HELZ: variants seen among roughly 807,000 people sequenced by gnomAD.
The protein encoded by HELZ is ATP-dependent RNA helicase with zinc finger domain.
HELZ carries 23 observed loss-of-function variants against 218.2 expected under a neutral mutation model. The observed-to-expected ratio is 0.11, with a 90% CI of 0.08 to 0.15. The LOEUF (loss-of-function observed/expected upper bound fraction) is 0.15. Ranked by LOEUF, HELZ falls within the 10% of genes least tolerant of loss-of-function variation. The pLI is 1.00. For missense variants in HELZ, 1,813 were observed against 2,353.7 expected (o/e 0.77, Z 4.75); for synonymous variants, 814 against 829.4 (o/e 0.98, Z 0.32).
chr17:67,153,639 T>C (rs1178895487), intron 17 of HELZ, among the ~76,000 whole-genome samples: 2 of 152,316 alleles, frequency 1.3e-5, no homozygotes, highest in East Asian at 3.9e-4. Context: ...GTATAATATG[T>C]AGCATAATGC....
Position 67,107,628 on chromosome 17 carries a change from T to C in HELZ, c.4782A>G (p.Leu1594=). 1 of 1,614,142 alleles carries C rather than the reference T, an allele frequency of 6.2e-7. No individual in the cohort carries two copies. The highest frequency in any genetic ancestry group is 1.1e-5 in the South Asian group (1 of 91,084). ...SHRDQSETRE[L]AEMPPPQSRL... ...TTGATTGAGGTGGTGGCATTTCAGCTAGTTCCCGTGTTTCACTTTGATCAC... is the reference window on the plus strand; with the variant it reads ...TTGATTGAGGTGGTGGCATTTCAGCCAGTTCCCGTGTTTCACTTTGATCAC... The change falls in exon 31 of 33, where the codon CTA becomes CTG. Residue 1594 remains leucine, a synonymous_variant. Transcript: ENST00000358691.
chr17:67,187,680 T>C (rs2039793047), intron 12 of HELZ, among the ~76,000 whole-genome samples: 2 of 152,344 alleles, frequency 1.3e-5, no homozygotes, highest in East Asian at 3.9e-4. Context: ...TAACATGTCC[T>C]TTCTTTGTCC....
At chr17:67,176,272 T>G (rs1435128706) in intron 13 of HELZ, 1 of 152,226 alleles carries the variant, frequency 6.6e-6, no homozygotes, top group East Asian at 1.9e-4. Context: ...CAATAAGGTA[T>G]TATAACTAGC....
chr17:67,074,673 G>A lies in HELZ; in HGVS notation c.*3579C>T, dbSNP rs2035973252. The A allele has an allele frequency of 6.6e-6, 1 of 152,072 alleles. No individual in the cohort carries two copies. The highest frequency in any genetic ancestry group is 1.5e-5 in the Non-Finnish European group (1 of 67,976). The allele number at this position is 152,072 out of a possible 1,614,324, so 9.4% of individuals were successfully genotyped here. On this transcript the variant is annotated 3_prime_UTR_variant, in exon 33 of 33. Coordinates refer to ENST00000358691, the MANE Select transcript of HELZ (RefSeq NM_014877.4). The stretch of plus-strand genomic sequence containing the variant: ...GTTGGGAAATTCATTAGCTTTCTCA[G>A]CAGCTCCAATGCCTCCATAAAAAAG...
intron 23 of HELZ, among the ~76,000 whole-genome samples, chr17:67,134,007 A>G (rs1316722350): frequency 6.6e-6 from 1 of 152,264 alleles, no homozygotes; most frequent in Non-Finnish European, 1.5e-5. Context: ...GTAAAGTAAT[A>G]TAAAGTAAAA....
At chr17:67,168,367 A>T (rs943874210) in intron 13 of HELZ, among the ~76,000 whole-genome samples, 4 of 152,238 alleles carry the variant, frequency 2.6e-5, no homozygotes, top group Non-Finnish European at 5.9e-5. Context: ...CACATTCAAA[A>T]AACACCTGAG....
rs951850698 is a variant in HELZ at position 67,188,056 on chromosome 17, T to A, written c.1162+263A>T. ...CCATCTTACTGTGAAATGAAACTGGTAGACCAAAACAGGTCTGATCATCTA... is the reference window on the plus strand; with the variant it reads ...CCATCTTACTGTGAAATGAAACTGGAAGACCAAAACAGGTCTGATCATCTA... On this transcript the variant is annotated intron_variant, in intron 12 of 32. Coordinates refer to ENST00000358691, the MANE Select transcript of HELZ (RefSeq NM_014877.4). The surrounding 1 kb of genome is among the most constrained non-coding windows in gnomAD (Gnocchi z 4.1). Among the ~76,000 whole-genome samples, 2 of 152,188 alleles carry A rather than the reference T, an allele frequency of 1.3e-5. No homozygotes were observed. Among genetic ancestry groups the A allele is most frequent in the Admixed American group, 1.3e-4 (2 of 15,278 alleles).
chr17:67,090,680 T>C (rs1362519521), intron 31 of HELZ, among the ~76,000 whole-genome samples: 1 of 152,160 alleles, frequency 6.6e-6, no homozygotes, highest in Admixed American at 6.5e-5. Context: ...TTGTTTGTAG[T>C]GCTCCCTTAT....
chr17:67,148,321 G>A (rs1164049472), intron 20 of HELZ, among the ~76,000 whole-genome samples: 5 of 152,212 alleles, frequency 3.3e-5, no homozygotes, highest in Non-Finnish European at 7.3e-5. Flanking sequence ...TGTGTTAATT[G>A]TTGTGAGAGA....
chr17:67,220,068 C>T (rs1300336945), intron 3 of HELZ, among the ~76,000 whole-genome samples: 1 of 152,212 alleles, frequency 6.6e-6, no homozygotes, highest in African/African-American at 2.4e-5. Context: ...CTACCTTCCA[C>T]CTTAACCGCT....
At chr17:67,191,453 T>G (rs566415664) in intron 9 of HELZ, among the ~76,000 whole-genome samples, 35 of 152,160 alleles carry the variant, frequency 2.3e-4, no homozygotes, top group African/African-American at 8.0e-4. Context: ...ATAAAATACT[T>G]TGATAATTTT....
Position 67,190,361 on chromosome 17 carries a change from T to G in HELZ, c.558-6A>C, listed in dbSNP as rs760748607. 5.0e-6 allele frequency: 8 copies of G among 1,599,954 alleles called. No homozygotes were observed. The highest frequency in any genetic ancestry group is 6.0e-6 in the Non-Finnish European group (7 of 1,167,148). On this transcript the variant is annotated splice_region_variant and splice_polypyrimidine_tract_variant and intron_variant, in intron 9 of 32. Transcript: ENST00000358691. ...AGATTCCTTGTTCTAAAAATCTAAG[T>G]AGAATAGGAAAGACTGTTTTATCAT...
Position 67,072,706 on chromosome 17 carries a change from A to C in HELZ, c.*5546T>G, listed in dbSNP as rs2035923000. Reference sequence around the variant, plus strand: ...GCCAATCCAAAGGGCCTGTCGCTCCATGGAGACCTTTCTCCACAAATGTTC... The same window carrying C: ...GCCAATCCAAAGGGCCTGTCGCTCCCTGGAGACCTTTCTCCACAAATGTTC... On this transcript the variant is annotated 3_prime_UTR_variant, in exon 33 of 33. Transcript: ENST00000358691. 1 of 152,302 alleles carries C rather than the reference A, an allele frequency of 6.6e-6. No homozygotes were observed. The highest frequency in any genetic ancestry group is 2.1e-4 in the South Asian group (1 of 4,828). The allele number at this position is 152,302 out of a possible 1,614,324, so 9.4% of individuals were successfully genotyped here. A position where few individuals can be genotyped will look rare whatever the true frequency, so the allele number is the denominator to read the frequency against.
intron 3 of HELZ, among the ~76,000 whole-genome samples, chr17:67,236,026 C>A (rs1567917687): frequency 6.6e-6 from 1 of 152,244 alleles, no homozygotes; most frequent in African/African-American, 2.4e-5. Context: ...TCCCAAAGTG[C>A]TGGGATTACA....
chr17:67,245,138 C>T lies in HELZ; in HGVS notation c.-132+10G>A, dbSNP rs1402550429. 4.1e-6 allele frequency: 4 copies of T among 985,038 alleles called. No individual in the cohort carries two copies. The South Asian group carries it at 1.4e-4, about 35-fold the overall frequency. 61.0% of individuals were successfully genotyped at this position (985,038 alleles called of 1,614,324 possible). A position where few individuals can be genotyped will look rare whatever the true frequency, so the allele number is the denominator to read the frequency against. On this transcript the variant is annotated intron_variant, in intron 1 of 32. Coordinates refer to ENST00000358691, the MANE Select transcript of HELZ (RefSeq NM_014877.4). ...CCCCAGGAGCAGAGAAGGGGGAAGTCAGGACTTACCTGTCATTACTTTCTA... is the reference window on the plus strand; with the variant it reads ...CCCCAGGAGCAGAGAAGGGGGAAGTTAGGACTTACCTGTCATTACTTTCTA...
At chr17:67,196,482 C>T (rs567872972) in intron 7 of HELZ, among the ~76,000 whole-genome samples, 2 of 152,272 alleles carry the variant, frequency 1.3e-5, no homozygotes, top group South Asian at 2.1e-4. Flanking sequence ...TATTCTTGCA[C>T]CTCTCAAAGT....
intron 29 of HELZ, 76 bp downstream of exon 29, chr17:67,109,040 C>T: frequency 8.2e-7 from 1 of 1,225,694 alleles, no homozygotes. Flanking sequence ...TCAATCTTAA[C>T]CCAAAATGAT....
At chr17:67,226,476 G>A (rs766311661) in intron 3 of HELZ, among the ~76,000 whole-genome samples, 1 of 152,018 alleles carries the variant, frequency 6.6e-6, no homozygotes, top group Non-Finnish European at 1.5e-5. Flanking sequence ...CTATTAGAAT[G>A]GCTAAATTAA....
intron 9 of HELZ, among the ~76,000 whole-genome samples, chr17:67,190,862 A>G (rs1462585552): frequency 6.6e-6 from 1 of 152,144 alleles, no homozygotes; most frequent in African/African-American, 2.4e-5. Context: ...GGCGCCCGCC[A>G]CCACGCCTGG....
Sources: allele counts gnomAD v4.1 joint callset (sites outside exome capture counted in the v4.1 genomes callset), GRCh38; gene constraint gnomAD v4.1.1; non-coding constraint Gnocchi (gnomAD v3.1); transcripts MANE v1.5; gene names NCBI Gene and HGNC (gene_info 2026-07-23, HGNC 2026-07-21).